ACSM1: variants seen among roughly 807,000 people sequenced by gnomAD.
The protein encoded by ACSM1 is acyl-CoA synthetase medium chain family member 1.
In ACSM1, 79 loss-of-function variants were observed where a neutral mutation model predicts 75.8. The observed-to-expected ratio is 1.04, with a 90% CI of 0.87 to 1.26. ACSM1 has a LOEUF of 1.26. Ranked by LOEUF, ACSM1 falls within the 50% of genes most tolerant of loss-of-function variation. The pLI is 0.00. For synonymous variants in ACSM1, 279 were observed against 265.8 expected (o/e 1.05, Z -0.48); for missense variants, 676 against 720.1 (o/e 0.94, Z 0.70).
At chr16:20,660,065 C>A (rs1419164061) in intron 7 of ACSM1, among the ~76,000 whole-genome samples, 1 of 152,144 alleles carries the variant, frequency 6.6e-6, no homozygotes, top group Non-Finnish European at 1.5e-5. Flanking sequence ...CTCAGGACCT[C>A]CTGAGGGCTG....
chr16:20,642,039 C>A (rs1442944161), intron 7 of ACSM1, among the ~76,000 whole-genome samples: 1 of 152,196 alleles, frequency 6.6e-6, no homozygotes, highest in Non-Finnish European at 1.5e-5. Context: ...CAGTGAAGCA[C>A]TTTTGCCCAT....
chr16:20,634,504 A>T lies in ACSM1; in HGVS notation c.1299+2235T>A, dbSNP rs550162409. Among the ~76,000 whole-genome samples the T allele has an allele frequency of 1.8e-4, 28 of 152,376 alleles. No homozygotes were observed. In the Middle Eastern group the frequency reaches 0.014, roughly 74 times the overall value. On this transcript the variant is annotated intron_variant, in intron 10 of 13. Transcript: ENST00000520010. ...TGTTGTATACATACAGTGGAATTTT[A>T]TTCAGACTTACAGAGGAATGACATT...
At chr16:20,684,527 A>G (rs535527642) in intron 3 of ACSM1, among the ~76,000 whole-genome samples, 3 of 152,368 alleles carry the variant, frequency 2.0e-5, no homozygotes, top group African/African-American at 7.2e-5. Context: ...AACGTGTCTA[A>G]TCTGAATATA....
intron 8 of ACSM1, 87 bp downstream of exon 8, chr16:20,640,374 C>G: frequency 6.8e-7 from 1 of 1,480,442 alleles, no homozygotes; most frequent in Non-Finnish European, 9.3e-7. Flanking sequence ...AAACCTGTTT[C>G]CCAGATGCGT....
chr16:20,669,701 G>A (rs1222918048), intron 6 of ACSM1, 126 bp downstream of exon 6: 1 of 931,774 alleles, frequency 1.1e-6, no homozygotes, highest in African/African-American at 1.7e-5. Flanking sequence ...ACTTTGAGAA[G>A]CCCAGGCTCA....
At chr16:20,689,009 T>C (rs1448306432) in intron 2 of ACSM1, among the ~76,000 whole-genome samples, 1 of 148,644 alleles carries the variant, frequency 6.7e-6, no homozygotes, top group Non-Finnish European at 1.5e-5. Flanking sequence ...TATATATTAA[T>C]ATATGTTAAC....
chr16:20,661,591 C>A (rs1214674854), intron 7 of ACSM1, among the ~76,000 whole-genome samples: 1 of 152,068 alleles, frequency 6.6e-6, no homozygotes, highest in Non-Finnish European at 1.5e-5. Context: ...AGGAATCAAC[C>A]CACAATCATG....
chr16:20,629,349 T>A (rs2017196241), intron 10 of ACSM1, among the ~76,000 whole-genome samples: 1 of 152,152 alleles, frequency 6.6e-6, no homozygotes, highest in African/African-American at 2.4e-5. Context: ...TGAAGTTAAG[T>A]AGGTATTAAT....
At chr16:20,642,569 T>C (rs781152686) in intron 7 of ACSM1, among the ~76,000 whole-genome samples, 9 of 152,216 alleles carry the variant, frequency 5.9e-5, no homozygotes, top group Non-Finnish European at 1.3e-4. Flanking sequence ...TATAGCTAAT[T>C]GGACCACATT....
intron 1 of ACSM1, among the ~76,000 whole-genome samples, chr16:20,693,004 A>G (rs1319393878): frequency 1.3e-5 from 2 of 152,020 alleles, no homozygotes; most frequent in Admixed American, 6.6e-5. Flanking sequence ...CCCTGTCTCT[A>G]CTAAAAATTT....
chr16:20,653,510 G>A lies in ACSM1; in HGVS notation c.992+8284C>T, dbSNP rs573422518. Among the ~76,000 whole-genome samples, 93 of 152,230 alleles carry A rather than the reference G, an allele frequency of 6.1e-4. 1 individual carries two copies. Among genetic ancestry groups the A allele is most frequent in the East Asian group, 1.4e-3 (7 of 5,176 alleles). ...GATTGTATATTTAAAAAACCCCATCGTCTCAGCCCAAAATCTCCTTAAGCT... is the reference window on the plus strand; with the variant it reads ...GATTGTATATTTAAAAAACCCCATCATCTCAGCCCAAAATCTCCTTAAGCT... On this transcript the variant is annotated intron_variant, in intron 7 of 13. Coordinates refer to ENST00000520010, the MANE Select transcript of ACSM1 (RefSeq NM_001318890.3).
At position 20,637,411 on chromosome 16, in the gene ACSM1, G is replaced by A. The variant is rs774263598; in HGVS notation, c.1157C>T (p.Pro386Leu). 1.2e-5 allele frequency: 20 copies of A among 1,613,960 alleles called. No homozygotes were observed. The highest frequency in any genetic ancestry group is 1.7e-4 in the Middle Eastern group (1 of 6,058). ...TGGAGTGGCCTTCCCCATGAAACCC[G>A]GCTTGATCTTCATTCCCCAGTAGGT... is the stretch of plus-strand genomic sequence containing the variant. ...CATYWGMKIK[P>L]GFMGKATPPY... The change falls in exon 9 of 14, where the codon CCG becomes CTG. Residue 386 changes from proline (P) to leucine (L), a missense_variant. Pro to Leu is a moderately conservative substitution (Grantham distance 98, BLOSUM62 -3). Transcript: ENST00000520010.
intron 7 of ACSM1, among the ~76,000 whole-genome samples, chr16:20,657,395 G>T (rs944810483): frequency 6.6e-6 from 1 of 151,952 alleles, no homozygotes; most frequent in Non-Finnish European, 1.5e-5. Context: ...TGCAACCTCT[G>T]CCTCCTGTGT....
intron 10 of ACSM1, among the ~76,000 whole-genome samples, chr16:20,635,005 A>G (rs1220653054): frequency 6.6e-6 from 1 of 152,170 alleles, no homozygotes; most frequent in Non-Finnish European, 1.5e-5. Flanking sequence ...AAAAAACCCA[A>G]AGAAGTCCCA....
chr16:20,680,404 T>C (rs879938504), intron 4 of ACSM1: 1 of 152,212 alleles, frequency 6.6e-6, no homozygotes, highest in African/African-American at 2.4e-5. Context: ...CAAAAACTTA[T>C]TTGCTCAACT....
chr16:20,655,419 TAAAA>T (rs1332413327), intron 7 of ACSM1, among the ~76,000 whole-genome samples: 2 of 150,354 alleles, frequency 1.3e-5, no homozygotes, highest in Non-Finnish European at 3.0e-5. Flanking sequence ...TAAAATAAAA[TAAAA>T]AAAGAAAGAG....
intron 4 of ACSM1, chr16:20,680,472 T>C (rs998129611): frequency 7.2e-5 from 11 of 152,206 alleles, no homozygotes; most frequent in South Asian, 2.1e-4. Context: ...GTGGAGGAAC[T>C]AATATGGGGA....
chr16:20,651,076 A>G (rs963855993), intron 7 of ACSM1, among the ~76,000 whole-genome samples: 1 of 152,148 alleles, frequency 6.6e-6, no homozygotes, highest in Non-Finnish European at 1.5e-5. Context: ...TTTATGTTCA[A>G]TTGGCAGTTG....
chr16:20,647,305 G>T (rs753254476), intron 7 of ACSM1, among the ~76,000 whole-genome samples: 7 of 152,204 alleles, frequency 4.6e-5, no homozygotes, highest in Non-Finnish European at 8.8e-5. Flanking sequence ...CCATGAGCCA[G>T]CTGAACCTGA....
Sources: allele counts gnomAD v4.1 joint callset (sites outside exome capture counted in the v4.1 genomes callset), GRCh38; gene constraint gnomAD v4.1.1; transcripts MANE v1.5; gene names NCBI Gene and HGNC (gene_info 2026-07-23, HGNC 2026-07-21).